TENM3: variants seen among roughly 807,000 people sequenced by gnomAD.
TENM3 encodes the protein teneurin-3.
TENM3 carries 63 observed loss-of-function variants against 255.1 expected under a neutral mutation model. That is an observed-to-expected ratio of 0.25 (90% CI 0.20 to 0.30). TENM3 has a LOEUF of 0.30. Ranked by LOEUF, TENM3 falls within the 10% of genes least tolerant of loss-of-function variation. TENM3 has a pLI of 1.00. For missense variants in TENM3, 2,929 were observed against 3,461.1 expected (o/e 0.85, Z 3.86); for synonymous variants, 1,306 against 1,322.3 (o/e 0.99, Z 0.27).
At chr4:182,131,197 T>C in the TENM3 span, among the ~76,000 whole-genome samples, 1 of 152,200 alleles carries the variant, frequency 6.6e-6, no homozygotes, top group Non-Finnish European at 1.5e-5. Context: ...GATTGCTTTC[T>C]ACAATTTAAC....
At chr4:182,763,350 C>G (rs13112991) in intron 22 of TENM3, among the ~76,000 whole-genome samples, 3 of 151,994 alleles carry the variant, frequency 2.0e-5, no homozygotes, top group Admixed American at 6.6e-5. Flanking sequence ...CGGATCACGA[C>G]GTCAGGAGAT....
In TENM3 at chr4:182,774,993, A is replaced by G. The variant is rs766694289; in HGVS notation, c.5144A>G (p.His1715Arg). Residue 1715 changes from histidine to arginine, a missense_variant, in exon 24 of 28, where the codon CAC becomes CGC. Around this residue, in one of 6 missense-constraint regions of TENM3, gnomAD observed 303 missense variants for 425.2 expected, o/e 0.71. Transcript: ENST00000511685. ...ATCTACGCCAGTGGCCTGGACTCAC[A>G]CTACCAAACAGAGCCGCACGTTCTG... is the stretch of plus-strand genomic sequence containing the variant. ...RIIYASGLDSHYQTEPHVLAG... is the reference protein window; with the variant it reads ...RIIYASGLDSRYQTEPHVLAG... 6.2e-7 allele frequency: 1 copy of G among 1,613,946 alleles called. No homozygotes were observed. Among genetic ancestry groups the G allele is most frequent in the Non-Finnish European group, 8.5e-7 (1 of 1,179,874 alleles).
At chr4:182,636,604 C>A (rs973918742) in intron 5 of TENM3, among the ~76,000 whole-genome samples, 1 of 151,880 alleles carries the variant, frequency 6.6e-6, no homozygotes. Context: ...GTAGTCCCAG[C>A]TACTCGGGAG....
intron 3 of TENM3, among the ~76,000 whole-genome samples, chr4:182,392,350 C>A (rs974947399): frequency 1.3e-5 from 2 of 152,198 alleles, no homozygotes; most frequent in Non-Finnish European, 2.9e-5. Flanking sequence ...GATTTACTCA[C>A]CATCTTTCAC....
chr4:181,470,378 C>G, the TENM3 span, among the ~76,000 whole-genome samples: 3 of 152,090 alleles, frequency 2.0e-5, no homozygotes, highest in African/African-American at 7.2e-5. Context: ...ATAACTGGAG[C>G]TTGTTTTACA....
chr4:182,204,628 G>T (rs1208791894), intron 1 of TENM3, among the ~76,000 whole-genome samples: 1 of 152,124 alleles, frequency 6.6e-6, no homozygotes, highest in Non-Finnish European at 1.5e-5. Context: ...GCACATCGTG[G>T]TCTTTTCATT....
In TENM3 at chr4:182,175,314, A is replaced by AAAAT. The variant is rs60217194; in HGVS notation, c.-76+30561_-76+30562insAATA. 7.5e-3 allele frequency among the ~76,000 whole-genome samples: 877 copies of AAAAT among 117,502 alleles called. 5 individuals are homozygous for AAAAT. Among genetic ancestry groups the AAAAT allele is most frequent in the Middle Eastern group, 0.014 (3 of 220 alleles). The allele number at this position is 117,502 out of a possible 152,430, so 77.1% of individuals were successfully genotyped here. ...TGCTCTGCTTCATTAAAAAAAAAAA[A>AAAAT]ATATATATATATATATATATACACA... On this transcript the variant is annotated intron_variant, in intron 1 of 2. Coordinates refer to the TENM3 transcript ENST00000512480.
chr4:182,259,547 A>C (rs1758645493), intron 1 of TENM3, among the ~76,000 whole-genome samples: 1 of 152,076 alleles, frequency 6.6e-6, no homozygotes, highest in African/African-American at 2.4e-5. Flanking sequence ...TCCTAGACTC[A>C]AGCAAGCATT....
chr4:182,653,480 G>A (rs1341691953), intron 5 of TENM3, among the ~76,000 whole-genome samples: 1 of 152,162 alleles, frequency 6.6e-6, no homozygotes, highest in African/African-American at 2.4e-5. Flanking sequence ...GGTGAAAAAT[G>A]GAACTCAATT....
intron 12 of TENM3, among the ~76,000 whole-genome samples, chr4:182,711,913 G>C (rs1758775051): frequency 6.6e-6 from 1 of 151,372 alleles, no homozygotes; most frequent in South Asian, 2.1e-4. Context: ...TTTTTTTTAA[G>C]ATCTTCACTG....
At chr4:181,528,212 A>G in the TENM3 span, among the ~76,000 whole-genome samples, 1 of 152,144 alleles carries the variant, frequency 6.6e-6, no homozygotes, top group Non-Finnish European at 1.5e-5. Flanking sequence ...TTTGGTATAT[A>G]CCCCACCCAA....
At chr4:181,717,082 G>T in the TENM3 span, among the ~76,000 whole-genome samples, 2 of 152,152 alleles carry the variant, frequency 1.3e-5, no homozygotes, top group South Asian at 2.1e-4. Context: ...ATGTGTTAAG[G>T]GATGTATGGA....
the TENM3 span, among the ~76,000 whole-genome samples, chr4:181,604,252 G>C: frequency 0.015 from 2,299 of 152,198 alleles, 38 homozygotes; most frequent in South Asian, 0.069. Context: ...GCGACAGAGC[G>C]AGACTCCGTC....
chr4:182,090,563 G>A, the TENM3 span, among the ~76,000 whole-genome samples: 10 of 152,222 alleles, frequency 6.6e-5, no homozygotes, highest in South Asian at 1.2e-3. Context: ...TTAACAGGTC[G>A]GACCATGCCC....
At chr4:182,384,857 G>A (rs1380838660) in intron 3 of TENM3, among the ~76,000 whole-genome samples, 1 of 151,762 alleles carries the variant, frequency 6.6e-6, no homozygotes, top group Non-Finnish European at 1.5e-5. Context: ...TCCGTATTTG[G>A]CTACAGTGTT....
the TENM3 span, among the ~76,000 whole-genome samples, chr4:181,458,507 C>T: frequency 4.7e-3 from 720 of 151,930 alleles, 3 homozygotes; most frequent in African/African-American, 0.017. Context: ...ACAAGAGATG[C>T]GTGCGTAGTA....
At chr4:181,742,687 T>A in the TENM3 span, among the ~76,000 whole-genome samples, 1 of 151,298 alleles carries the variant, frequency 6.6e-6, no homozygotes, top group African/African-American at 2.4e-5. Context: ...TTTTTTTTTA[T>A]TATTATACTT....
chr4:182,621,143 T>A (rs1284453164), intron 4 of TENM3, among the ~76,000 whole-genome samples: 1 of 151,246 alleles, frequency 6.6e-6, no homozygotes, highest in African/African-American at 2.4e-5. Context: ...GTCGCACCAC[T>A]GCACTCCAGC....
the TENM3 span, among the ~76,000 whole-genome samples, chr4:181,849,444 T>C: frequency 6.6e-6 from 1 of 152,204 alleles, no homozygotes; most frequent in Non-Finnish European, 1.5e-5. Flanking sequence ...AAAGTCATTT[T>C]CCTATTGTTG....
Sources: gnomAD v4.1 joint callset for allele counts (sites outside exome capture counted in the v4.1 genomes callset) on GRCh38, gnomAD v4.1.1 for gene constraint, gnomAD v4.1.1 regional missense constraint, MANE v1.5 for transcripts, NCBI Gene and HGNC (gene_info 2026-07-23, HGNC 2026-07-21) for gene names.